The following FGF13 variants were observed in gnomAD, a reference collection of about 807,000 sequenced individuals.
The protein encoded by FGF13 is fibroblast growth factor 13, also known as fibroblast growth factor homologous factor 2.
FGF13 carries 2 observed loss-of-function variants against 19.5 expected under a neutral mutation model. The observed-to-expected ratio is 0.10, with a 90% CI of 0.04 to 0.32. The LOEUF (loss-of-function observed/expected upper bound fraction) is 0.32, where lower values mean the gene tolerates loss of function less well. Ranked by LOEUF, FGF13 falls within the 10% of genes least tolerant of loss-of-function variation. The pLI, the probability that FGF13 is intolerant of heterozygous loss-of-function variation, is 1.00. For synonymous variants in FGF13, 72 were observed against 76.9 expected (o/e 0.94, Z 0.33); for missense variants, 113 against 192.7 (o/e 0.59, Z 2.45).
At chrX:139,084,365 C>G (rs1034105231) in intron 1 of FGF13, among the ~76,000 whole-genome samples, 6 of 111,774 alleles carry the variant, frequency 5.4e-5, no homozygotes, top group African/African-American at 1.6e-4. Flanking sequence ...CTGGCAGTCA[C>G]TTGTTTGGGC....
chrX:138,979,193 A>C, intron 1 of FGF13, among the ~76,000 whole-genome samples: 1 of 112,044 alleles, frequency 8.9e-6, no homozygotes, highest in Non-Finnish European at 1.9e-5. Context: ...GACTGGATAA[A>C]GAAATTACAA....
chrX:138,777,178 G>A (rs1264161602), intron 3 of FGF13, among the ~76,000 whole-genome samples: 1 of 111,121 alleles, frequency 9.0e-6, no homozygotes, highest in Non-Finnish European at 1.9e-5. Context: ...AGGTGAACCT[G>A]GGAATGGCAG....
chrX:139,158,508 G>C (rs959002419), intron 1 of FGF13, among the ~76,000 whole-genome samples: 5 of 111,059 alleles, frequency 4.5e-5, no homozygotes, highest in Non-Finnish European at 9.4e-5. Flanking sequence ...GTTCAAACTG[G>C]GCGGAGCCAG....
At chrX:138,715,452 T>A (rs1428914815), upstream of FGF13, among the ~76,000 whole-genome samples, 1 of 112,853 alleles carries the variant, frequency 8.9e-6, no homozygotes, top group Non-Finnish European at 1.9e-5. Context: ...ATTTCATCTA[T>A]TTTAACTGTT....
chrX:138,851,801 T>A (rs2091223987), intron 3 of FGF13, among the ~76,000 whole-genome samples: 1 of 111,863 alleles, frequency 8.9e-6, no homozygotes, highest in South Asian at 3.7e-4. Flanking sequence ...GATGATGTGA[T>A]CCTATATCTA....
chrX:138,759,719 C>A (rs1365085043), intron 3 of FGF13, among the ~76,000 whole-genome samples: 1 of 111,842 alleles, frequency 8.9e-6, no homozygotes, highest in Non-Finnish European at 1.9e-5. Flanking sequence ...TAAATCCACT[C>A]TGCCACTTAG....
chrX:138,996,963 A>G (rs2092046022), intron 1 of FGF13, among the ~76,000 whole-genome samples: 1 of 112,032 alleles, frequency 8.9e-6, no homozygotes, highest in Admixed American at 9.4e-5. Flanking sequence ...CCTCTCTGGG[A>G]CAAAACTTCC....
At chrX:138,808,925 A>G (rs1324158096) in intron 3 of FGF13, among the ~76,000 whole-genome samples, 4 of 111,709 alleles carry the variant, frequency 3.6e-5, no homozygotes, top group Non-Finnish European at 5.6e-5. Flanking sequence ...TAGAACAATA[A>G]CAGTCTCTGA....
intron 1 of FGF13, among the ~76,000 whole-genome samples, chrX:139,202,401 A>T (rs1381642112): frequency 8.9e-6 from 1 of 111,992 alleles, no homozygotes; most frequent in Admixed American, 9.4e-5. Context: ...TTCCTTTATC[A>T]TATAAATGCC....
chrX:138,958,554 T>G (rs192417480), intron 1 of FGF13, among the ~76,000 whole-genome samples: 107 of 111,834 alleles, frequency 9.6e-4, no homozygotes, highest in Non-Finnish European at 1.5e-3. Context: ...TTAGGGAGGA[T>G]TCCTTCTTTT....
At chrX:138,719,681 A>G (rs1003972230) in intron 1 of FGF13, among the ~76,000 whole-genome samples, 1 of 112,356 alleles carries the variant, frequency 8.9e-6, no homozygotes, top group Non-Finnish European at 1.9e-5. Context: ...AGAGAGAAAA[A>G]TATTATACAC....
chrX:139,139,171 G>A (rs753826656), intron 1 of FGF13, among the ~76,000 whole-genome samples: 8 of 110,793 alleles, frequency 7.2e-5, no homozygotes, highest in African/African-American at 2.3e-4. Flanking sequence ...GACCTCAAAC[G>A]ATCTGCCTGC....
chrX:138,798,884 T>C (rs2090802771), intron 3 of FGF13, among the ~76,000 whole-genome samples: 1 of 112,010 alleles, frequency 8.9e-6, no homozygotes, highest in South Asian at 3.7e-4. Flanking sequence ...TGATGGCAGT[T>C]TGTATTTCTG....
Position 139,149,844 on chromosome X carries a change from T to C in FGF13, c.-113+53572A>G, listed in dbSNP as rs372280572. Among the ~76,000 whole-genome samples the C allele has an allele frequency of 3.6e-5, 4 of 112,127 alleles. No homozygotes were observed. In the East Asian group the frequency reaches 1.1e-3, roughly 31 times the overall value. ...GAAAATATGATACTAATCACTTGCT[T>C]ATCCAGCACAAAACCTATCAGTGCA... On this transcript the variant is annotated intron_variant, in intron 1 of 2. Transcript: ENST00000421460.
rs368963913 is a variant in FGF13 at position 138,880,624 on chromosome X, T to A, written c.-112-15974A>T. 6.3e-5 allele frequency among the ~76,000 whole-genome samples: 7 copies of A among 111,811 alleles called. 1 individual carries two copies. The East Asian group carries it at 1.4e-3, about 23-fold the overall frequency. ...GATGAGTTTATTTTTGCATATGGTA[T>A]GAGATATGGGTTCAACTTGCATGTG... is the stretch of plus-strand genomic sequence containing the variant. On this transcript the variant is annotated intron_variant, in intron 1 of 2. Coordinates refer to the FGF13 transcript ENST00000421460.
chrX:139,059,081 T>C (rs918206123), intron 1 of FGF13, among the ~76,000 whole-genome samples: 1 of 111,681 alleles, frequency 9.0e-6, no homozygotes. Context: ...CTTTCATTAT[T>C]ATTATGGCCC....
chrX:138,731,176 C>T (rs1240976394), intron 1 of FGF13, among the ~76,000 whole-genome samples: 1 of 111,083 alleles, frequency 9.0e-6, no homozygotes, highest in Non-Finnish European at 1.9e-5. Flanking sequence ...TATACAAAGT[C>T]AGAATATGGA....
chrX:138,984,244 C>A (rs1267189908), intron 1 of FGF13, among the ~76,000 whole-genome samples: 2 of 109,418 alleles, frequency 1.8e-5, no homozygotes, highest in Non-Finnish European at 3.8e-5. Flanking sequence ...CTCATCTTTA[C>A]TAAAAATACA....
chrX:138,917,636 C>T (rs1218199520), intron 1 of FGF13, among the ~76,000 whole-genome samples: 1 of 112,400 alleles, frequency 8.9e-6, no homozygotes, highest in African/African-American at 3.2e-5. Flanking sequence ...TGATAGCTCA[C>T]TTTTGGACAA....
Sources: allele counts gnomAD v4.1 joint callset (sites outside exome capture counted in the v4.1 genomes callset), GRCh38; gene constraint gnomAD v4.1.1; transcripts MANE v1.5; gene names NCBI Gene and HGNC (gene_info 2026-07-23, HGNC 2026-07-21).